The following CHL1 variants were observed in gnomAD, a reference collection of about 807,000 sequenced individuals.
CHL1 encodes neural cell adhesion molecule L1-like protein.
Under a neutral mutation model 141.9 loss-of-function variants are expected in CHL1, and 96 were observed. The ratio of observed to expected loss-of-function variants is 0.68; its 90% CI spans 0.57 to 0.80. The LOEUF is 0.80. Ranked by LOEUF, CHL1 falls within the 30% of genes least tolerant of loss-of-function variation. The pLI is 0.00. For synonymous variants in CHL1, 613 were observed against 502.2 expected (o/e 1.22, Z -2.95); for missense variants, 1,820 against 1,457.2 (o/e 1.25, Z -4.05).
At chr3:286,173 G>T (rs900804046) in intron 2 of CHL1, among the ~76,000 whole-genome samples, 3 of 152,136 alleles carry the variant, frequency 2.0e-5, no homozygotes. Flanking sequence ...CACCCAGTTT[G>T]TCTCCTGCAA....
In CHL1 at chr3:349,448, T is replaced by A. The variant is rs1317932198; in HGVS notation, c.938T>A (p.Ile313Lys). Reference sequence around the variant, plus strand: ...GAAAATTATGGCAAGACTTTGAAGATAGAGAATGTCTCCTACCAGGACAAA... The same window carrying A: ...GAAAATTATGGCAAGACTTTGAAGAAAGAGAATGTCTCCTACCAGGACAAA... ...TKENYGKTLK[I>K]ENVSYQDKGN... The change falls in exon 10 of 28, where the codon ATA becomes AAA. Residue 313 changes from isoleucine (I) to lysine (K), a missense_variant. Physicochemically the swap from Ile to Lys is moderately radical, Grantham distance 102. Coordinates refer to ENST00000256509, the MANE Select transcript of CHL1 (RefSeq NM_006614.4). 4 of 1,613,890 alleles carry A rather than the reference T, an allele frequency of 2.5e-6. No individual in the cohort carries two copies. Among genetic ancestry groups the A allele is most frequent in the Admixed American group, 1.7e-5 (1 of 60,002 alleles).
rs1206325980 is a variant in CHL1 at position 377,846 on chromosome 3, A to G, written c.1780A>G (p.Ile594Val). The change falls in exon 16 of 28, where the codon ATA becomes GTA. Residue 594 changes from isoleucine (I) to valine (V), a missense_variant. Coordinates refer to ENST00000256509, the MANE Select transcript of CHL1 (RefSeq NM_006614.4). The part of the protein sequence containing the change: ...RIIIDGANLT[I>V]SNVTLEDQGI... Reference sequence around the variant, plus strand: ...AATTATTGATGGAGCTAATTTGACCATATCTAATGTAACTTTAGAGGACCA... The same window carrying G: ...AATTATTGATGGAGCTAATTTGACCGTATCTAATGTAACTTTAGAGGACCA... The G allele has an allele frequency of 3.7e-6, 6 of 1,608,986 alleles. No individual in the cohort carries two copies. Among genetic ancestry groups the G allele is most frequent in the Non-Finnish European group, 4.3e-6 (5 of 1,175,834 alleles).
intron 19 of CHL1, among the ~76,000 whole-genome samples, chr3:388,573 GA>G (rs879394193): frequency 4.0e-4 from 59 of 147,998 alleles, no homozygotes; most frequent in Non-Finnish European, 6.6e-4. Flanking sequence ...AAAAAGAAAC[GA>G]AAAAAAAAGT....
intron 2 of CHL1, among the ~76,000 whole-genome samples, chr3:285,149 T>G (rs941380056): frequency 6.6e-6 from 1 of 152,238 alleles, no homozygotes; most frequent in Non-Finnish European, 1.5e-5. Context: ...CATTATCACC[T>G]TTCACCTTTT....
At chr3:273,772 G>T (rs1695845269) in intron 2 of CHL1, among the ~76,000 whole-genome samples, 1 of 152,080 alleles carries the variant, frequency 6.6e-6, no homozygotes, top group South Asian at 2.1e-4. Context: ...AATTAGAGGT[G>T]GTAGGATGGT....
At chr3:295,995 C>T (rs1698152851) in intron 2 of CHL1, among the ~76,000 whole-genome samples, 1 of 151,458 alleles carries the variant, frequency 6.6e-6, no homozygotes, top group Non-Finnish European at 1.5e-5. Context: ...TAGTACAACT[C>T]CCTCTCAAAA....
chr3:240,407 T>C (rs1227164364), intron 1 of CHL1, among the ~76,000 whole-genome samples: 1 of 152,198 alleles, frequency 6.6e-6, no homozygotes, highest in Non-Finnish European at 1.5e-5. Flanking sequence ...CTTTTGAGAA[T>C]TGTCTATTCA....
At chr3:333,482 T>C (rs944498701) in intron 5 of CHL1, among the ~76,000 whole-genome samples, 1 of 152,114 alleles carries the variant, frequency 6.6e-6, no homozygotes, top group Non-Finnish European at 1.5e-5. Flanking sequence ...AACATTGCAG[T>C]TAAGTTTCCT....
chr3:348,960 A>G (rs1444486646), intron 9 of CHL1, among the ~76,000 whole-genome samples: 2 of 152,250 alleles, frequency 1.3e-5, no homozygotes, highest in African/African-American at 4.8e-5. Flanking sequence ...AACAGGGAAT[A>G]GGGCTGTTAT....
rs1349863055 is a variant in CHL1, at chr3:391,838, CA to C, written c.2914+42del. The C allele has an allele frequency of 2.7e-6, 4 of 1,505,076 alleles. No individual in the cohort carries two copies. The African/African-American group carries it at 5.6e-5, about 21-fold the overall frequency. 93.2% of individuals were successfully genotyped at this position (1,505,076 alleles called of 1,614,324 possible). On this transcript the variant is annotated intron_variant, in intron 23 of 27. Coordinates refer to ENST00000256509, the MANE Select transcript of CHL1 (RefSeq NM_006614.4). ...AATTGGAGTTAACTTGTTAATGTTT[CA>C]TTTTTTGGTTGAATATTCTCTGTGC...
chr3:297,148 T>G (rs1698262371), intron 2 of CHL1, among the ~76,000 whole-genome samples: 1 of 151,776 alleles, frequency 6.6e-6, no homozygotes, highest in South Asian at 2.1e-4. Flanking sequence ...ATTGCTTGAG[T>G]CGGGGAGATG....
At chr3:262,929 A>G (rs1482614002) in intron 2 of CHL1, among the ~76,000 whole-genome samples, 6 of 152,232 alleles carry the variant, frequency 3.9e-5, no homozygotes, top group Admixed American at 3.9e-4. Context: ...CCATTCAACT[A>G]TCAGGTGAAC....
intron 17 of CHL1, 76 bp downstream of exon 17, chr3:382,356 C>A: frequency 6.8e-7 from 1 of 1,470,706 alleles, no homozygotes; most frequent in Non-Finnish European, 9.5e-7. Context: ...TTTAACCACT[C>A]TTACTGGTTT....
chr3:251,443 C>A (rs1310941940), intron 2 of CHL1, among the ~76,000 whole-genome samples: 1 of 152,112 alleles, frequency 6.6e-6, no homozygotes, highest in Non-Finnish European at 1.5e-5. Flanking sequence ...GGCTCATAAT[C>A]CTTATCTCAG....
chr3:276,465 A>T lies in CHL1; in HGVS notation c.-95+31773A>T, dbSNP rs555138916. On this transcript the variant is annotated intron_variant, in intron 2 of 27. Coordinates refer to ENST00000256509, the MANE Select transcript of CHL1 (RefSeq NM_006614.4). ...CAGCATGATTGGAATCCAGTGACTC[A>T]ACTGCCTTTGACCATGAGGTTTCAA... Among the ~76,000 whole-genome samples, 10 of 152,302 alleles carry T rather than the reference A, an allele frequency of 6.6e-5. No individual in the cohort carries two copies. The East Asian group carries it at 7.7e-4, about 12-fold the overall frequency.
chr3:348,773 C>A (rs995876995), intron 9 of CHL1, among the ~76,000 whole-genome samples: 1 of 152,156 alleles, frequency 6.6e-6, no homozygotes, highest in African/African-American at 2.4e-5. Flanking sequence ...GAACGTGATC[C>A]AGGAGGCAGT....
chr3:221,911 G>A (rs563895537), intron 1 of CHL1, among the ~76,000 whole-genome samples: 52 of 152,192 alleles, frequency 3.4e-4, no homozygotes, highest in Non-Finnish European at 6.6e-4. Flanking sequence ...TAAGACATAA[G>A]TTTGATTTTA....
intron 2 of CHL1, among the ~76,000 whole-genome samples, chr3:296,592 C>G (rs969186398): frequency 8.5e-5 from 13 of 152,188 alleles, no homozygotes; most frequent in African/African-American, 2.7e-4. Flanking sequence ...ATCACTGTGA[C>G]TATCCACACT....
intron 21 of CHL1, 34 bp downstream of exon 21, chr3:390,850 G>T: frequency 6.6e-7 from 1 of 1,505,342 alleles, no homozygotes; most frequent in South Asian, 1.1e-5. Context: ...TCTTCTTGTT[G>T]AATTGGTATC....
Sources: gnomAD v4.1 joint callset for allele counts (sites outside exome capture counted in the v4.1 genomes callset) on GRCh38, gnomAD v4.1.1 for gene constraint, MANE v1.5 for transcripts, NCBI Gene and HGNC (gene_info 2026-07-23, HGNC 2026-07-21) for gene names.